Variants in CEP83 observed in about 807,000 individuals in gnomAD.
The protein encoded by CEP83 is centrosomal protein of 83 kDa.
In CEP83, 70 loss-of-function variants were observed where a neutral mutation model predicts 101.9. That is an observed-to-expected ratio of 0.69 (90% CI 0.57 to 0.84). The LOEUF is 0.84. Among genes scored for constraint, CEP83 ranks in the 40% least tolerant of loss-of-function variants. CEP83 has a pLI of 0.00. For synonymous variants in CEP83, 264 were observed against 267.9 expected, an observed-to-expected ratio of 0.99 and a Z score of 0.14; for missense variants, 715 against 787.2, an observed-to-expected ratio of 0.91 and a Z score of 1.10.
downstream of CEP83, chr12:94,306,947 T>G (rs889242495): frequency 3.3e-5 from 5 of 152,158 alleles, no homozygotes; most frequent in African/African-American, 1.2e-4. Flanking sequence ...CTGGTCCCCA[T>G]TGAAGGCTGC....
chr12:94,355,254 G>A (rs1043023004), intron 11 of CEP83, among the ~76,000 whole-genome samples: 5 of 152,140 alleles, frequency 3.3e-5, no homozygotes, highest in African/African-American at 9.7e-5. Flanking sequence ...AGCACTTTGG[G>A]AGGCCAAGGC....
In CEP83 at chr12:94,358,593, T is replaced by C. The variant is rs1315301854; in HGVS notation, c.1343+9201A>G. On this transcript the variant is annotated intron_variant, in intron 11 of 16. Coordinates refer to ENST00000397809, the MANE Select transcript of CEP83 (RefSeq NM_016122.3). ...GGCACATAGCTCCAACATTTTCTTCTTGGAATTCTCCAATTTTCGTAATTA... is the reference window on the plus strand; with the variant it reads ...GGCACATAGCTCCAACATTTTCTTCCTGGAATTCTCCAATTTTCGTAATTA... 2.6e-5 allele frequency among the ~76,000 whole-genome samples: 4 copies of C among 152,244 alleles called. No individual in the cohort carries two copies. The East Asian group carries it at 7.7e-4, about 29-fold the overall frequency.
chr12:94,303,949 A>G, downstream of CEP83: 13 of 1,607,172 alleles, frequency 8.1e-6, no homozygotes, highest in Non-Finnish European at 1.1e-5. Context: ...ACGTCATTTC[A>G]GAATCTCTCA....
the CEP83 span, among the ~76,000 whole-genome samples, chr12:94,292,736 T>G: frequency 6.6e-6 from 1 of 152,202 alleles, no homozygotes; most frequent in Admixed American, 6.5e-5. Context: ...AATCAAAGTT[T>G]TTATTGGGTT....
At chr12:94,333,357 T>A (rs1473117653) in intron 13 of CEP83, 125 bp downstream of exon 13, 1 of 744,176 alleles carries the variant, frequency 1.3e-6, no homozygotes, top group Non-Finnish European at 2.1e-6. Context: ...TAGACCATTG[T>A]ACACTATTAA....
At chr12:94,424,152 T>C in intron 2 of CEP83, 1 of 1,603,550 alleles carries the variant, frequency 6.2e-7, no homozygotes, top group South Asian at 1.1e-5. Context: ...CGAGCAAGCA[T>C]CCTGTTGGGG....
chr12:94,294,546 C>T, the CEP83 span: 2 of 1,194,828 alleles, frequency 1.7e-6, no homozygotes, highest in Admixed American at 1.8e-5. Context: ...TTCAGGTAAC[C>T]AATATAATAT....
intron 6 of CEP83, among the ~76,000 whole-genome samples, chr12:94,388,554 T>C (rs1411816855): frequency 1.3e-5 from 2 of 151,120 alleles, no homozygotes; most frequent in East Asian, 3.9e-4. Flanking sequence ...AATACACCTG[T>C]GTAACAAATC....
intron 14 of CEP83, among the ~76,000 whole-genome samples, chr12:94,330,076 C>A (rs750952433): frequency 5.3e-5 from 8 of 152,136 alleles, no homozygotes; most frequent in Admixed American, 2.0e-4. Context: ...AATAACTGAA[C>A]GATCTACAGT....
chr12:94,316,328 C>A (rs546854025), intron 14 of CEP83, among the ~76,000 whole-genome samples: 9 of 152,172 alleles, frequency 5.9e-5, no homozygotes, highest in African/African-American at 2.2e-4. Context: ...TGACTTCGTA[C>A]TTAGAAATTT....
intron 1 of CEP83, among the ~76,000 whole-genome samples, chr12:94,446,484 C>A (rs1223789208): frequency 6.6e-6 from 1 of 151,988 alleles, no homozygotes; most frequent in Non-Finnish European, 1.5e-5. Context: ...GCAAGGCAGG[C>A]AGATCATGAG....
intron 1 of CEP83, among the ~76,000 whole-genome samples, chr12:94,454,546 TAGC>T (rs1322272767): frequency 6.6e-6 from 1 of 152,068 alleles, no homozygotes; most frequent in African/African-American, 2.4e-5. Context: ...ATGGACCAAT[TAGC>T]AGGATGTGGG....
At chr12:94,289,678 TACCTC>T in the CEP83 span, among the ~76,000 whole-genome samples, 1 of 152,192 alleles carries the variant, frequency 6.6e-6, no homozygotes, top group South Asian at 2.1e-4. Flanking sequence ...TTTCTGTCCT[TACCTC>T]AGCAGCAGCT....
chr12:94,305,323 A>G, downstream of CEP83: 1 of 1,329,094 alleles, frequency 7.5e-7, no homozygotes, highest in Non-Finnish European at 1.1e-6. Flanking sequence ...AAAGTTCTTC[A>G]GACGACTTGG....
At chr12:94,382,302 CTCTT>C (rs1205359027) in intron 6 of CEP83, among the ~76,000 whole-genome samples, 1 of 151,694 alleles carries the variant, frequency 6.6e-6, no homozygotes, top group Non-Finnish European at 1.5e-5. Context: ...AAAGAACCAG[CTCTT>C]TGTTTCACTG....
At chr12:94,442,514 A>G (rs2066486919) in intron 1 of CEP83, among the ~76,000 whole-genome samples, 1 of 143,770 alleles carries the variant, frequency 7.0e-6, no homozygotes, top group Non-Finnish European at 1.6e-5. Context: ...AAACTATTGA[A>G]ATAATGATTT....
At chr12:94,278,238 C>A in the CEP83 span, 1 of 357,958 alleles carries the variant, frequency 2.8e-6, no homozygotes, top group Non-Finnish European at 5.6e-6. Flanking sequence ...GCATTTCACA[C>A]CATACCCAAG....
intron 6 of CEP83, among the ~76,000 whole-genome samples, chr12:94,390,191 A>C (rs546197008): frequency 3.9e-5 from 6 of 152,212 alleles, no homozygotes; most frequent in Admixed American, 1.3e-4. Context: ...CCCGTGTAGC[A>C]TAACTGGGAG....
chr12:94,379,438 T>TA (rs765611221), intron 6 of CEP83, among the ~76,000 whole-genome samples: 4 of 152,216 alleles, frequency 2.6e-5, no homozygotes, highest in Non-Finnish European at 5.9e-5. Context: ...TGAGCTAGTC[T>TA]ATACTAATAA....
Sources: allele counts gnomAD v4.1 joint callset (sites outside exome capture counted in the v4.1 genomes callset), GRCh38; gene constraint gnomAD v4.1.1; transcripts MANE v1.5; gene names NCBI Gene and HGNC (gene_info 2026-07-23, HGNC 2026-07-21).